Variants in PIGY observed in about 807,000 individuals in gnomAD.
PIGY encodes phosphatidylinositol glycan anchor biosynthesis class Y.
PIGY carries 3 observed loss-of-function variants against 4.1 expected under a neutral mutation model. That is an observed-to-expected ratio of 0.73 (90% CI 0.33 to 1.89). The LOEUF is 1.89. Among genes scored for constraint, PIGY ranks in the 40% most tolerant of loss-of-function variants. The probability of loss-of-function intolerance (pLI) is 0.08; values close to 1 mark genes in which losing one functional copy is unlikely to be tolerated. For synonymous variants in PIGY, 33 were observed against 31.4 expected (o/e 1.05, Z -0.18); for missense variants, 78 against 80.3 (o/e 0.97, Z 0.11).
In PIGY at chr4:88,521,947, G is replaced by GT; in HGVS notation, c.-159dup. On this transcript the variant is annotated 5_prime_UTR_variant, in exon 2 of 2. An upstream open reading frame in the 5' UTR gains an earlier in-frame stop. Coordinates refer to ENST00000527353, the MANE Select transcript of PIGY (RefSeq NM_001042616.3). ...TGACGTGTCATCCTAGCTGCCTGTG[G>GT]TATCATATTAGGGATCCCATCAATG... 1 of 1,551,404 alleles carries GT rather than the reference G, an allele frequency of 6.4e-7. No homozygotes were observed. The highest frequency in any genetic ancestry group is 8.7e-7 in the Non-Finnish European group (1 of 1,146,924).
chr4:88,523,614 G>A lies in PIGY; in HGVS notation c.-357C>T, dbSNP rs1474501101. The A allele has an allele frequency of 1.3e-6, 2 of 1,548,200 alleles. No homozygotes were observed. The highest frequency in any genetic ancestry group is 1.7e-6 in the Non-Finnish European group (2 of 1,146,480). On this transcript the variant is annotated 5_prime_UTR_variant, in exon 1 of 2. In the 5' UTR this introduces an upstream ATG that the reference lacks. Transcript: ENST00000527353. ...CGGCCAAAGGCCGCGACCCCGACGC[G>A]TGCAGGCACCTACGGGCGACCGCGG...
In PIGY at chr4:88,523,689, T is replaced by G; in HGVS notation, c.-432A>C. ...GCGCTGAGGCGAGCCTGCAGCGTGC[T>G]CCACTCAGCATGGTCTGGCAGCCGG... On this transcript the variant is annotated 5_prime_UTR_variant, in exon 1 of 2. Coordinates refer to ENST00000527353, the MANE Select transcript of PIGY (RefSeq NM_001042616.3). 1 of 1,504,218 alleles carries G rather than the reference T, an allele frequency of 6.6e-7. No individual in the cohort carries two copies. The highest frequency in any genetic ancestry group is 8.8e-7 in the Non-Finnish European group (1 of 1,133,116). 93.2% of individuals were successfully genotyped at this position (1,504,218 alleles called of 1,614,324 possible).
Position 88,521,861 on chromosome 4 carries a change from G to T in PIGY, c.-72C>A. 3 of 1,547,592 alleles carry T rather than the reference G, an allele frequency of 1.9e-6. No homozygotes were observed. The highest frequency in any genetic ancestry group is 1.7e-6 in the Non-Finnish European group (2 of 1,147,822). On this transcript the variant is annotated 5_prime_UTR_variant, in exon 2 of 2. Transcript: ENST00000527353. ...GGTATTAAGAAAAGTTGGCTGTTGCGTTTTTTTAATTTTTTTAAATTATGA... is the reference window on the plus strand; with the variant it reads ...GGTATTAAGAAAAGTTGGCTGTTGCTTTTTTTTAATTTTTTTAAATTATGA...
Position 88,521,848 on chromosome 4 carries a change from A to G in PIGY, c.-59T>C. 1 of 1,564,608 alleles carries G rather than the reference A, an allele frequency of 6.4e-7. No homozygotes were observed. The highest frequency in any genetic ancestry group is 8.6e-7 in the Non-Finnish European group (1 of 1,156,266). On this transcript the variant is annotated 5_prime_UTR_variant, in exon 2 of 2. Transcript: ENST00000527353. ...TTAAAAGGTATATGGTATTAAGAAA[A>G]GTTGGCTGTTGCGTTTTTTTAATTT...
chr4:88,522,086 G>A, intron 1 of PIGY, 57 bp from the exon 2 acceptor site: 1 of 1,457,246 alleles, frequency 6.9e-7, no homozygotes, highest in Non-Finnish European at 9.1e-7. Flanking sequence ...TGCTTGAAGA[G>A]CCTGATTTTC....
chr4:88,521,472 C>A lies in PIGY; in HGVS notation c.*102G>T. The A allele has an allele frequency of 1.8e-6, 2 of 1,083,918 alleles. No individual in the cohort carries two copies. Among genetic ancestry groups the A allele is most frequent in the Non-Finnish European group, 1.3e-6 (1 of 746,014 alleles). The allele number at this position is 1,083,918 out of a possible 1,614,324, so 67.1% of individuals were successfully genotyped here. ...AGTCCTAAGCCTGATATGCGCAAAGCAAAGCCTCTTTCCCGCAAACTAAAT... is the reference window on the plus strand; with the variant it reads ...AGTCCTAAGCCTGATATGCGCAAAGAAAAGCCTCTTTCCCGCAAACTAAAT... On this transcript the variant is annotated 3_prime_UTR_variant, in exon 2 of 2. Coordinates refer to ENST00000527353, the MANE Select transcript of PIGY (RefSeq NM_001042616.3).
In PIGY at chr4:88,521,343, T is replaced by C. The variant is rs1742364696; in HGVS notation, c.*231A>G. The C allele has an allele frequency of 6.0e-6, 3 of 502,058 alleles. No homozygotes were observed. The highest frequency in any genetic ancestry group is 1.1e-5 in the Non-Finnish European group (3 of 282,964). 31.1% of individuals were successfully genotyped at this position (502,058 alleles called of 1,614,324 possible). On this transcript the variant is annotated 3_prime_UTR_variant, in exon 2 of 2. Transcript: ENST00000527353. ...ATGTTCATCTCCAACCAAGACACTG[T>C]CAAAATGTTTCTTCTGATACAGCAG...
Position 88,523,613 on chromosome 4 carries a change from C to T in PIGY, c.-356G>A, listed in dbSNP as rs1356874374. The T allele has an allele frequency of 1.9e-6, 3 of 1,548,372 alleles. No individual in the cohort carries two copies. Among genetic ancestry groups the T allele is most frequent in the South Asian group, 2.4e-5 (2 of 83,980 alleles). The stretch of plus-strand genomic sequence containing the variant: ...TCGGCCAAAGGCCGCGACCCCGACG[C>T]GTGCAGGCACCTACGGGCGACCGCG... On this transcript the variant is annotated 5_prime_UTR_variant, in exon 1 of 2. Transcript: ENST00000527353.
chr4:88,523,695 C>T lies in PIGY; in HGVS notation c.-438G>A. 2 of 1,479,062 alleles carry T rather than the reference C, an allele frequency of 1.4e-6. No homozygotes were observed. The highest frequency in any genetic ancestry group is 2.6e-5 in the East Asian group (1 of 38,990). 91.6% of individuals were successfully genotyped at this position (1,479,062 alleles called of 1,614,324 possible). On this transcript the variant is annotated 5_prime_UTR_variant, in exon 1 of 2. Transcript: ENST00000527353. Reference sequence around the variant, plus strand: ...AGGCGAGCCTGCAGCGTGCTCCACTCAGCATGGTCTGGCAGCCGGAGACCA... The same window carrying T: ...AGGCGAGCCTGCAGCGTGCTCCACTTAGCATGGTCTGGCAGCCGGAGACCA...
Position 88,521,426 on chromosome 4 carries a change from T to C in PIGY, c.*148A>G, listed in dbSNP as rs1428999463. On this transcript the variant is annotated 3_prime_UTR_variant, in exon 2 of 2. Transcript: ENST00000527353. ...GAACAAGAGTACAATAAAAGAAGCA[T>C]CTGCAACTTAAGCCTCCCACAGTCC... is the stretch of plus-strand genomic sequence containing the variant. 13 of 666,240 alleles carry C rather than the reference T, an allele frequency of 2.0e-5. No homozygotes were observed. The highest frequency in any genetic ancestry group is 3.3e-5 in the Non-Finnish European group (13 of 392,840). The allele number at this position is 666,240 out of a possible 1,614,324, so 41.3% of individuals were successfully genotyped here.
At chr4:88,522,081 G>T in intron 1 of PIGY, 52 bp from the exon 2 acceptor site, 1 of 1,477,420 alleles carries the variant, frequency 6.8e-7, no homozygotes. Flanking sequence ...TAAAATGCTT[G>T]AAGAGCCTGA....
rs1742473558 is a variant in PIGY, at chr4:88,523,705, T to C, written c.-448A>G. 6.8e-7 allele frequency: 1 copy of C among 1,462,628 alleles called. No homozygotes were observed. The highest frequency in any genetic ancestry group is 9.0e-7 in the Non-Finnish European group (1 of 1,115,488). The allele number at this position is 1,462,628 out of a possible 1,614,324, so 90.6% of individuals were successfully genotyped here. ...GCAGCGTGCTCCACTCAGCATGGTC[T>C]GGCAGCCGGAGACCAGGCCTCACCG... On this transcript the variant is annotated 5_prime_UTR_variant, in exon 1 of 2. Coordinates refer to ENST00000527353, the MANE Select transcript of PIGY (RefSeq NM_001042616.3).
Position 88,521,988 on chromosome 4 carries a change from C to T in PIGY, c.-199G>A, listed in dbSNP as rs373337350. ...CCCATCAATGATTGGATAAGCTATT[C>T]CCAACTCTTCATTAATCAATTCGTT... is the stretch of plus-strand genomic sequence containing the variant. On this transcript the variant is annotated 5_prime_UTR_variant, in exon 2 of 2. Transcript: ENST00000527353. The T allele has an allele frequency of 2.6e-6, 4 of 1,550,706 alleles. No homozygotes were observed. The highest frequency in any genetic ancestry group is 2.7e-5 in the African/African-American group (2 of 72,984).
Position 88,521,449 on chromosome 4 carries a change from T to C in PIGY, c.*125A>G. On this transcript the variant is annotated 3_prime_UTR_variant, in exon 2 of 2. Coordinates refer to ENST00000527353, the MANE Select transcript of PIGY (RefSeq NM_001042616.3). ...CATCTGCAACTTAAGCCTCCCACAG[T>C]CCTAAGCCTGATATGCGCAAAGCAA... 1 of 848,670 alleles carries C rather than the reference T, an allele frequency of 1.2e-6. No individual in the cohort carries two copies. The highest frequency in any genetic ancestry group is 1.8e-6 in the Non-Finnish European group (1 of 543,556). The allele number at this position is 848,670 out of a possible 1,614,324, so 52.6% of individuals were successfully genotyped here.
In PIGY at chr4:88,521,990, C is replaced by CAATTGATT; in HGVS notation, c.-202_-201insAATCAATT. 1 of 1,550,700 alleles carries CAATTGATT rather than the reference C, an allele frequency of 6.4e-7. No individual in the cohort carries two copies. Among genetic ancestry groups the CAATTGATT allele is most frequent in the South Asian group, 1.2e-5 (1 of 83,740 alleles). On this transcript the variant is annotated 5_prime_UTR_variant, in exon 2 of 2. It introduces an in-frame stop codon into an upstream open reading frame of the 5' UTR. Coordinates refer to ENST00000527353, the MANE Select transcript of PIGY (RefSeq NM_001042616.3). Reference sequence around the variant, plus strand: ...CATCAATGATTGGATAAGCTATTCCCAACTCTTCATTAATCAATTCGTTTG... The same window carrying CAATTGATT: ...CATCAATGATTGGATAAGCTATTCCCAATTGATTAACTCTTCATTAATCAATTCGTTTG...
chr4:88,521,685 A>G lies in PIGY; in HGVS notation c.105T>C (p.Thr35=), dbSNP rs758973995. ...SVEENFPQGC[T]STASLCFYSL... ...TGTAAAAGCAAAGGCTGGCTGTGCT[A>G]GTGCAGCCCTGTGGGAAGTTTTCTT... The change falls in exon 2 of 2, where the codon ACT becomes ACC. Residue 35 remains threonine (T), a synonymous_variant. Coordinates refer to ENST00000527353, the MANE Select transcript of PIGY (RefSeq NM_001042616.3). 2 of 1,613,966 alleles carry G rather than the reference A, an allele frequency of 1.2e-6. No homozygotes were observed. Among genetic ancestry groups the G allele is most frequent in the South Asian group, 1.1e-5 (1 of 91,080 alleles).
At chr4:88,522,213 A>T (rs1410121363) in intron 1 of PIGY, among the ~76,000 whole-genome samples, 184 bp from the exon 2 acceptor site, 1 of 152,198 alleles carries the variant, frequency 6.6e-6, no homozygotes, top group African/African-American at 2.4e-5. Flanking sequence ...ATTCTCTTAC[A>T]ATCTATAATT....
At position 88,523,585 on chromosome 4, in the gene PIGY, C is replaced by T. The variant is rs1212294714; in HGVS notation, c.-328G>A. On this transcript the variant is annotated 5_prime_UTR_variant, in exon 1 of 2. Coordinates refer to ENST00000527353, the MANE Select transcript of PIGY (RefSeq NM_001042616.3). ...GGGCGGCTCCTCAGTCTTCTTGCCC[C>T]GGTCGGCCAAAGGCCGCGACCCCGA... 6 of 1,549,804 alleles carry T rather than the reference C, an allele frequency of 3.9e-6. No homozygotes were observed. The highest frequency in any genetic ancestry group is 1.4e-5 in the African/African-American group (1 of 73,028).
Position 88,523,487 on chromosome 4 carries a change from CAGCGAGTTACCTGAG to C in PIGY, c.-245_-241+10del. On this transcript the variant is annotated splice_donor_variant and splice_donor_5th_base_variant and 5_prime_UTR_variant and intron_variant, in exon 1 of 2. Coordinates refer to ENST00000527353, the MANE Select transcript of PIGY (RefSeq NM_001042616.3). LOFTEE classifies it low-confidence loss of function (5UTR_SPLICE). Reference sequence around the variant, plus strand: ...GAGGCTGCAAAGGAAGGGCCAAGGCCAGCGAGTTACCTGAGCGGCTTCTTGGAGAGCGGGCACACC... The same window carrying C: ...GAGGCTGCAAAGGAAGGGCCAAGGCCCGGCTTCTTGGAGAGCGGGCACACC... 1 of 1,551,232 alleles carries C rather than the reference CAGCGAGTTACCTGAG, an allele frequency of 6.4e-7. No individual in the cohort carries two copies. Among genetic ancestry groups the C allele is most frequent in the Non-Finnish European group, 8.7e-7 (1 of 1,146,842 alleles).
Sources: allele counts gnomAD v4.1 joint callset (sites outside exome capture counted in the v4.1 genomes callset), GRCh38; gene constraint gnomAD v4.1.1; transcripts MANE v1.5; gene names NCBI Gene and HGNC (gene_info 2026-07-23, HGNC 2026-07-21).